The following ATP9A variants were observed in gnomAD, a reference collection of about 807,000 sequenced individuals.
ATP9A encodes the protein ATPase phospholipid transporting 9A.
A neutral mutation model predicts 144.1 loss-of-function variants in ATP9A; 52 were observed. The ratio of observed to expected loss-of-function variants is 0.36; its 90% CI spans 0.29 to 0.45. The LOEUF is 0.45. Ranked by LOEUF, ATP9A falls within the 20% of genes least tolerant of loss-of-function variation. The pLI, the probability that ATP9A is intolerant of heterozygous loss-of-function variation, is 1.00. For missense variants in ATP9A, 947 were observed against 1,392.7 expected, an observed-to-expected ratio of 0.68 and a Z score of 5.09; for synonymous variants, 582 against 557.4, an observed-to-expected ratio of 1.04 and a Z score of -0.62.
At chr20:51,696,195 T>G (rs780739954) in intron 5 of ATP9A, 51 bp from the exon 6 acceptor site, 2 of 1,582,218 alleles carry the variant, frequency 1.3e-6, no homozygotes, top group Non-Finnish European at 1.7e-6. Context: ...CCGTGTGCTG[T>G]GCGGTGGGGA....
chr20:51,729,331 T>TCCACCCCACCCCA (rs2077729550), intron 2 of ATP9A, among the ~76,000 whole-genome samples: 1 of 64,200 alleles, frequency 1.6e-5, no homozygotes, highest in Non-Finnish European at 3.3e-5. Flanking sequence ...AGGTGCCCCC[T>TCCACCCCACCCCA]CCACCCCACC....
intron 14 of ATP9A, among the ~76,000 whole-genome samples, chr20:51,650,180 C>G (rs541620792): frequency 6.6e-6 from 1 of 152,170 alleles, no homozygotes; most frequent in Non-Finnish European, 1.5e-5. Context: ...AAAAACTGAG[C>G]TACTAAAAGC....
intron 16 of ATP9A, among the ~76,000 whole-genome samples, chr20:51,628,314 C>A (rs117297352): frequency 6.6e-6 from 1 of 152,142 alleles, no homozygotes; most frequent in Non-Finnish European, 1.5e-5. Context: ...CAACTGTCCA[C>A]GTCACAAACT....
At chr20:51,647,549 T>C (rs6067866) in intron 14 of ATP9A, among the ~76,000 whole-genome samples, 69,823 of 151,226 alleles carry the variant, frequency 0.46, 17,628 homozygotes, top group East Asian at 0.8. Flanking sequence ...AGACTTCATC[T>C]CAAAACAAAC....
At chr20:51,659,701 C>T (rs766098210) in intron 13 of ATP9A, among the ~76,000 whole-genome samples, 2 of 152,202 alleles carry the variant, frequency 1.3e-5, no homozygotes, top group Non-Finnish European at 2.9e-5. Flanking sequence ...ACACCCATGA[C>T]ACCCGATTGC....
intron 14 of ATP9A, among the ~76,000 whole-genome samples, chr20:51,652,813 A>C (rs953325400): frequency 2.0e-5 from 3 of 152,208 alleles, no homozygotes; most frequent in Non-Finnish European, 2.9e-5. Flanking sequence ...GTTGTAAAAA[A>C]AAAACCACAG....
At chr20:51,761,007 G>A (rs753354460) in intron 1 of ATP9A, among the ~76,000 whole-genome samples, 9 of 152,114 alleles carry the variant, frequency 5.9e-5, no homozygotes, top group Non-Finnish European at 1.0e-4. Context: ...CAGCCTGAGT[G>A]AGAGTGAGAC....
chr20:51,627,167 A>G (rs1384027955), intron 17 of ATP9A, among the ~76,000 whole-genome samples: 1 of 119,456 alleles, frequency 8.4e-6, no homozygotes, highest in African/African-American at 2.7e-5. Context: ...GGATAAGATG[A>G]ATGTTAAAAA....
chr20:51,754,604 A>C (rs1316337489), intron 1 of ATP9A, among the ~76,000 whole-genome samples: 1 of 151,834 alleles, frequency 6.6e-6, no homozygotes, highest in Admixed American at 6.6e-5. Context: ...ACCTGAGGTC[A>C]GGGGTTTGAG....
At chr20:51,742,853 G>C (rs2077791031) in intron 1 of ATP9A, among the ~76,000 whole-genome samples, 1 of 152,170 alleles carries the variant, frequency 6.6e-6, no homozygotes, top group Admixed American at 6.6e-5. Flanking sequence ...CAAGTGTTTG[G>C]TGTTAAAAAG....
chr20:51,747,859 C>T (rs888155751), intron 1 of ATP9A, among the ~76,000 whole-genome samples: 4 of 152,306 alleles, frequency 2.6e-5, no homozygotes, highest in African/African-American at 9.6e-5. Context: ...TGTCCCTTTA[C>T]CAAGCCACCC....
intron 9 of ATP9A, among the ~76,000 whole-genome samples, chr20:51,678,500 CA>C (rs2077486663): frequency 6.6e-6 from 1 of 152,174 alleles, no homozygotes; most frequent in Non-Finnish European, 1.5e-5. Context: ...TTCTCCAGCA[CA>C]ATGCAGTTCC....
chr20:51,762,705 C>CT (rs34209501), intron 1 of ATP9A, among the ~76,000 whole-genome samples: 7,828 of 84,390 alleles, frequency 0.093, 1,035 homozygotes, highest in African/African-American at 0.23. Context: ...CCACAAATGG[C>CT]TTTTTTTTTT....
intron 12 of ATP9A, 84 bp from the exon 13 acceptor site, chr20:51,670,193 A>G: frequency 9.0e-7 from 1 of 1,107,834 alleles, no homozygotes; most frequent in Non-Finnish European, 1.4e-6. Context: ...CCATCTTTGG[A>G]GAGTTTGCCC....
intron 15 of ATP9A, among the ~76,000 whole-genome samples, chr20:51,635,753 A>G (rs1462510137): frequency 2.4e-5 from 3 of 126,496 alleles, no homozygotes; most frequent in African/African-American, 8.8e-5. Flanking sequence ...AAGGAAGGAA[A>G]AAGAGAAGAG....
At chr20:51,748,948 T>TAGATAGACAGACAGACAGACAGACAGAC (rs765791447) in intron 1 of ATP9A, among the ~76,000 whole-genome samples, 1 of 137,802 alleles carries the variant, frequency 7.3e-6, no homozygotes, top group Non-Finnish European at 1.5e-5. Context: ...GATAGATAGA[T>TAGATAGACAGACAGACAGACAGACAGAC]AGACAGACAG....
At chr20:51,718,376 G>GC (rs1568834291) in intron 3 of ATP9A, among the ~76,000 whole-genome samples, 1 of 151,192 alleles carries the variant, frequency 6.6e-6, no homozygotes, top group East Asian at 2.0e-4. Context: ...GTGTGTGTGG[G>GC]GGGGGGTTGT....
intron 14 of ATP9A, among the ~76,000 whole-genome samples, chr20:51,648,205 T>A (rs1023379298): frequency 6.6e-6 from 1 of 152,064 alleles, no homozygotes; most frequent in African/African-American, 2.4e-5. Flanking sequence ...CATCTTATGG[T>A]TCACCAAGAA....
chr20:51,604,965 G>A lies in ATP9A; in HGVS notation c.2859C>T (p.Ile953=), dbSNP rs761996861. 14 of 1,613,104 alleles carry A rather than the reference G, an allele frequency of 8.7e-6. 1 individual carries two copies. The highest frequency in any genetic ancestry group is 5.0e-5 in the Admixed American group (3 of 59,934). The change falls in exon 27 of 28, where the codon ATC becomes ATT. Residue 953 remains isoleucine (I), a synonymous_variant. Coordinates refer to ENST00000338821, the MANE Select transcript of ATP9A (RefSeq NM_006045.3). ...LLLFESEFVH[I]VAISFTSLIL... ...TCAGCGAGGTGAAGGAGATGGCCAC[G>A]ATGTGCACGAACTCCGACTCAAACA...
Sources: gnomAD v4.1 joint callset for allele counts (sites outside exome capture counted in the v4.1 genomes callset) on GRCh38, gnomAD v4.1.1 for gene constraint, MANE v1.5 for transcripts, NCBI Gene and HGNC (gene_info 2026-07-23, HGNC 2026-07-21) for gene names.